MADD: variants seen among roughly 807,000 people sequenced by gnomAD.
MADD encodes MAP kinase-activating death domain protein.
Under a neutral mutation model 176.7 loss-of-function variants are expected in MADD, and 109 were observed. The ratio of observed to expected loss-of-function variants is 0.62; its 90% CI spans 0.53 to 0.72. The LOEUF (loss-of-function observed/expected upper bound fraction) is 0.72, where lower values mean the gene tolerates loss of function less well. Among genes scored for constraint, MADD ranks in the 30% least tolerant of loss-of-function variants. MADD has a pLI of 0.00. For missense variants in MADD, 1,914 were observed against 2,045.5 expected (o/e 0.94, Z 1.24); for synonymous variants, 771 against 771.3 (o/e 1.00, Z 0.01).
At chr11:47,280,853 C>T (rs1283377384) in intron 7 of MADD, among the ~76,000 whole-genome samples, 1 of 152,236 alleles carries the variant, frequency 6.6e-6, no homozygotes, top group African/African-American at 2.4e-5. Flanking sequence ...AGGCATGAGC[C>T]ACCGTGCCCA....
At position 47,315,652 on chromosome 11, in the gene MADD, T is replaced by G. The variant is rs2092604202; in HGVS notation, c.4197+325T>G. On this transcript the variant is annotated intron_variant, in intron 27 of 32. Transcript: ENST00000402192. ...ACCAAGCCCAGGTGATTTTTCTATT[T>G]TTAATAGAGATGGGGTTTGATCATG... is the stretch of plus-strand genomic sequence containing the variant. 2.0e-5 allele frequency among the ~76,000 whole-genome samples: 3 copies of G among 152,008 alleles called. No individual in the cohort carries two copies. In the South Asian group the frequency reaches 6.2e-4, roughly 32 times the overall value.
chr11:47,328,164 T>G (rs1420412418), intron 31 of MADD: 15 of 1,021,558 alleles, frequency 1.5e-5, no homozygotes, highest in Admixed American at 1.0e-4. Flanking sequence ...CAAGACCCTC[T>G]GTGTAGGGGG....
exon 33 of MADD, chr11:47,329,112 G>A: frequency 6.2e-7 from 1 of 1,614,156 alleles, no homozygotes; most frequent in East Asian, 2.2e-5. Context: ...TAGCAGTGAG[G>A]AAGATCTCAG....
chr11:47,305,741 G>C (rs1045597520), intron 22 of MADD, among the ~76,000 whole-genome samples: 1 of 152,164 alleles, frequency 6.6e-6, no homozygotes, highest in Non-Finnish European at 1.5e-5. Flanking sequence ...CCCAGGAAGA[G>C]GGTATCTTAG....
intron 30 of MADD, 31 bp from the exon 34 acceptor site, chr11:47,326,513 A>T: frequency 4.4e-6 from 6 of 1,361,102 alleles, no homozygotes; most frequent in Non-Finnish European, 5.7e-6. Context: ...TAACGCCTTC[A>T]TTTCTCTCCC....
chr11:47,300,553 A>C (rs1231867859), intron 22 of MADD, among the ~76,000 whole-genome samples: 1 of 151,050 alleles, frequency 6.6e-6, no homozygotes, highest in Non-Finnish European at 1.5e-5. Flanking sequence ...GCTGGAGTGC[A>C]ATGGTGTGAT....
chr11:47,284,951 A>T (rs199932853), exon 13 of MADD: 131 of 1,613,428 alleles, frequency 8.1e-5, no homozygotes, highest in Non-Finnish European at 1.7e-6. Context: ...GAACCTGCTG[A>T]CTCTACGGAG....
At chr11:47,290,541 T>C in intron 18 of MADD, 69 bp from the exon 20 acceptor site, 1 of 1,487,556 alleles carries the variant, frequency 6.7e-7, no homozygotes, top group Non-Finnish European at 9.2e-7. Flanking sequence ...TCCTGGCTCC[T>C]CCCACCTCAT....
At chr11:47,327,384 G>A (rs1287367084) in intron 31 of MADD, 1 of 985,342 alleles carries the variant, frequency 1.0e-6, no homozygotes, top group Non-Finnish European at 1.2e-6. Flanking sequence ...TTCCTGCTGT[G>A]TTTGTGCTTC....
chr11:47,273,747 C>T (rs1462852580), intron 1 of MADD, 80 bp from the exon 2 acceptor site: 2 of 586,682 alleles, frequency 3.4e-6, no homozygotes, highest in African/African-American at 1.9e-5. Context: ...CTGACCTCTG[C>T]CTCTGGCCGG....
At chr11:47,271,855 C>G (rs1342026739) in intron 1 of MADD, 1 of 152,080 alleles carries the variant, frequency 6.6e-6, no homozygotes. Flanking sequence ...TCAGGAGGAG[C>G]TGAGTGCGGC....
chr11:47,287,476 C>G (rs2061539537), intron 15 of MADD, among the ~76,000 whole-genome samples: 1 of 152,134 alleles, frequency 6.6e-6, no homozygotes, highest in Non-Finnish European at 1.5e-5. Flanking sequence ...AGGTGGTGAT[C>G]TTGGCTCACT....
At chr11:47,323,486 A>G (rs1223681975) in intron 27 of MADD, among the ~76,000 whole-genome samples, 185 bp from the exon 31 acceptor site, 1 of 152,120 alleles carries the variant, frequency 6.6e-6, no homozygotes, top group East Asian at 1.9e-4. Flanking sequence ...CATCTCTTCC[A>G]ACAATCCTTG....
chr11:47,289,067 T>C lies in MADD; in HGVS notation c.2654-324T>C, dbSNP rs767333351. 13 of 1,547,170 alleles carry C rather than the reference T, an allele frequency of 8.4e-6. No individual in the cohort carries two copies. The South Asian group carries it at 1.1e-4, about 13-fold the overall frequency. ...TGAGCTGTGCATGATCTTTTTTTTT[T>C]CTCTAGCATCTTCTGTGCCTGCCCG... On this transcript the variant is annotated intron_variant, in intron 15 of 32. Coordinates refer to ENST00000402192, the Ensembl canonical transcript of MADD.
At chr11:47,276,679 T>C in intron 4 of MADD, 53 bp from the exon 5 acceptor site, 1 of 1,597,498 alleles carries the variant, frequency 6.3e-7, no homozygotes, top group East Asian at 2.2e-5. Flanking sequence ...GCTGTTTTCT[T>C]GTAAACCATA....
intron 27 of MADD, among the ~76,000 whole-genome samples, chr11:47,321,594 A>AGG (rs201918520): frequency 6.6e-6 from 1 of 152,074 alleles, no homozygotes; most frequent in Non-Finnish European, 1.5e-5. Flanking sequence ...AAAGAAGCTC[A>AGG]GGGGGGGCAG....
chr11:47,315,723 C>G (rs1308255300), intron 27 of MADD, among the ~76,000 whole-genome samples: 1 of 152,136 alleles, frequency 6.6e-6, no homozygotes, highest in African/African-American at 2.4e-5. Context: ...AATCCACCCA[C>G]CTTGGCCTTC....
At chr11:47,298,720 T>C (rs1287473287) in intron 22 of MADD, among the ~76,000 whole-genome samples, 1 of 152,220 alleles carries the variant, frequency 6.6e-6, no homozygotes, top group African/African-American at 2.4e-5. Flanking sequence ...TTTTGTTGCC[T>C]GTACTTTTGA....
chr11:47,281,430 C>G, intron 7 of MADD, 145 bp from the exon 8 acceptor site: 1 of 540,132 alleles, frequency 1.9e-6, no homozygotes, highest in South Asian at 3.9e-5. Flanking sequence ...CCGTGATTTG[C>G]AAATTAGCAC....
Sources: allele counts gnomAD v4.1 joint callset (sites outside exome capture counted in the v4.1 genomes callset), GRCh38; gene constraint gnomAD v4.1.1; transcripts MANE v1.5; gene names NCBI Gene and HGNC (gene_info 2026-07-23, HGNC 2026-07-21).